Variants in MXD1 observed in about 807,000 individuals in gnomAD.
MXD1 encodes MAX dimerization protein 1.
Under a neutral mutation model 25.7 loss-of-function variants are expected in MXD1, and 9 were observed. The observed-to-expected ratio is 0.35, with a 90% CI of 0.21 to 0.61. The LOEUF (loss-of-function observed/expected upper bound fraction) is 0.61, where lower values mean the gene tolerates loss of function less well. Among genes scored for constraint, MXD1 ranks in the 20% least tolerant of loss-of-function variants. MXD1 has a pLI of 0.75. For synonymous variants in MXD1, 99 were observed against 113.9 expected, an observed-to-expected ratio of 0.87 and a Z score of 0.83; for missense variants, 227 against 292.4, an observed-to-expected ratio of 0.78 and a Z score of 1.63.
At chr2:69,916,265 G>A in intron 2 of MXD1, 45 bp downstream of exon 2, 1 of 1,177,674 alleles carries the variant, frequency 8.5e-7, no homozygotes, top group Non-Finnish European at 1.3e-6. Flanking sequence ...TTATATTGTA[G>A]GTGACACAAA....
intron 5 of MXD1, among the ~76,000 whole-genome samples, chr2:69,937,595 G>A (rs1429376480): frequency 6.6e-6 from 1 of 152,150 alleles, no homozygotes; most frequent in East Asian, 1.9e-4. Context: ...GAGTTTGATT[G>A]GTGTCAGTTT....
chr2:69,931,369 A>G (rs777943016), intron 3 of MXD1, among the ~76,000 whole-genome samples: 5 of 151,638 alleles, frequency 3.3e-5, no homozygotes, highest in Middle Eastern at 3.4e-3. Flanking sequence ...CCTACTCTCT[A>G]TGTCTGTGAG....
At chr2:69,933,200 C>CAAAAAA (rs59201689) in intron 3 of MXD1, among the ~76,000 whole-genome samples, 12 of 80,148 alleles carry the variant, frequency 1.5e-4, no homozygotes, top group East Asian at 1.1e-3. Context: ...AACTCTGTCT[C>CAAAAAA]AAAAAAAAAA....
chr2:69,932,270 G>C (rs971151956), intron 3 of MXD1, among the ~76,000 whole-genome samples: 1 of 152,126 alleles, frequency 6.6e-6, no homozygotes, highest in Non-Finnish European at 1.5e-5. Flanking sequence ...GAGAGCTTTG[G>C]TAGGAGCTGT....
At chr2:69,923,839 C>G (rs550943202) in intron 3 of MXD1, among the ~76,000 whole-genome samples, 220 of 152,288 alleles carry the variant, frequency 1.4e-3, no homozygotes, top group African/African-American at 5.1e-3. Context: ...CTTCTTCCTG[C>G]CTTTGCAGTG....
At chr2:69,929,093 A>G (rs1010354982) in intron 3 of MXD1, among the ~76,000 whole-genome samples, 3 of 152,140 alleles carry the variant, frequency 2.0e-5, no homozygotes, top group African/African-American at 7.2e-5. Flanking sequence ...GGGTTTCGCC[A>G]TGTTGCCTAG....
chr2:69,919,662 G>A (rs537691123), intron 2 of MXD1, among the ~76,000 whole-genome samples: 1 of 152,050 alleles, frequency 6.6e-6, no homozygotes, highest in East Asian at 1.9e-4. Flanking sequence ...AAATCTGTCA[G>A]GCTTTGAACT....
At position 69,937,357 on chromosome 2, in the gene MXD1, C is replaced by T; in HGVS notation, c.441C>T (p.Gly147=). 6.2e-7 allele frequency: 1 copy of T among 1,613,520 alleles called. No homozygotes were observed. The highest frequency in any genetic ancestry group is 8.5e-7 in the Non-Finnish European group (1 of 1,179,734). Residue 147 remains glycine (G), a synonymous_variant, in exon 5 of 6, where the codon GGC becomes GGT. Coordinates refer to ENST00000264444, the MANE Select transcript of MXD1 (RefSeq NM_002357.4). Reference sequence around the variant, plus strand: ...AGAGGATCCGGATGGACAGCATCGGCTCCACCGTCTCCTCGGAGCGCTCCG... The same window carrying T: ...AGAGGATCCGGATGGACAGCATCGGTTCCACCGTCTCCTCGGAGCGCTCCG... ...GIERIRMDSI[G]STVSSERSDS...
rs545385698 is a variant in MXD1, at chr2:69,941,177, T to C, written c.*2893T>C. 6.6e-6 allele frequency: 1 copy of C among 152,356 alleles called. No homozygotes were observed. The highest frequency in any genetic ancestry group is 1.9e-4 in the East Asian group (1 of 5,194). 9.4% of individuals were successfully genotyped at this position (152,356 alleles called of 1,614,324 possible). A position where few individuals can be genotyped will look rare whatever the true frequency, so the allele number is the denominator to read the frequency against. On this transcript the variant is annotated 3_prime_UTR_variant, in exon 6 of 6. Coordinates refer to ENST00000264444, the MANE Select transcript of MXD1 (RefSeq NM_002357.4). ...TAAAAAAATCTAAACTGCACTCTTA[T>C]TGATACCATCATAACGCAAGTGGGA... is the stretch of plus-strand genomic sequence containing the variant.
intron 2 of MXD1, among the ~76,000 whole-genome samples, chr2:69,920,601 G>A (rs1213719549): frequency 2.0e-5 from 3 of 152,086 alleles, no homozygotes; most frequent in African/African-American, 7.2e-5. Flanking sequence ...TCTTGAGGTG[G>A]TATTCCTCCA....
At chr2:69,938,042 T>G in intron 5 of MXD1, 55 bp from the exon 6 acceptor site, 4 of 1,560,934 alleles carry the variant, frequency 2.6e-6, no homozygotes, top group Non-Finnish European at 2.6e-6. Flanking sequence ...CCACCACGCC[T>G]GAGCTTTCTG....
At chr2:69,927,827 A>G (rs1460543744) in intron 3 of MXD1, among the ~76,000 whole-genome samples, 1 of 152,240 alleles carries the variant, frequency 6.6e-6, no homozygotes, top group Non-Finnish European at 1.5e-5. Flanking sequence ...ATTTTCTACA[A>G]AGATTTATCA....
intron 3 of MXD1, among the ~76,000 whole-genome samples, chr2:69,930,282 T>G (rs981458477): frequency 1.4e-4 from 22 of 152,228 alleles, no homozygotes; most frequent in Admixed American, 1.3e-4. Context: ...TATGTGAAGA[T>G]CTCTGTGCTT....
chr2:69,940,497 T>A lies in MXD1; in HGVS notation c.*2213T>A, dbSNP rs1006493878. 1 of 152,640 alleles carries A rather than the reference T, an allele frequency of 6.6e-6. No homozygotes were observed. The highest frequency in any genetic ancestry group is 1.5e-5 in the Non-Finnish European group (1 of 68,038). The allele number at this position is 152,640 out of a possible 1,614,324, so 9.5% of individuals were successfully genotyped here. Reference sequence around the variant, plus strand: ...GGGAAGGGAACAAAATTTGTGTACTTCTTTGTTTAATTTAGAAATAAGGCA... The same window carrying A: ...GGGAAGGGAACAAAATTTGTGTACTACTTTGTTTAATTTAGAAATAAGGCA... On this transcript the variant is annotated 3_prime_UTR_variant, in exon 6 of 6. Transcript: ENST00000264444.
chr2:69,919,049 T>A (rs1053828349), intron 2 of MXD1, among the ~76,000 whole-genome samples: 1 of 152,224 alleles, frequency 6.6e-6, no homozygotes, highest in Non-Finnish European at 1.5e-5. Flanking sequence ...AAATAAAATC[T>A]GTAGTTTTAA....
At chr2:69,934,534 A>G (rs537880572) in intron 3 of MXD1, among the ~76,000 whole-genome samples, 1 of 152,234 alleles carries the variant, frequency 6.6e-6, no homozygotes, top group African/African-American at 2.4e-5. Context: ...TGACTCAGTA[A>G]AAACCCCCAT....
At chr2:69,921,047 G>C (rs1455912888) in intron 2 of MXD1, among the ~76,000 whole-genome samples, 1 of 152,074 alleles carries the variant, frequency 6.6e-6, no homozygotes, top group African/African-American at 2.4e-5. Flanking sequence ...TTTATAGACA[G>C]GTTAACCAGT....
Position 69,915,211 on chromosome 2 carries a change from C to T in MXD1, c.-120C>T, listed in dbSNP as rs1676935576. On this transcript the variant is annotated 5_prime_UTR_variant, in exon 1 of 6. Transcript: ENST00000264444. This position sits in a 1 kb window ranked among gnomAD's most constrained non-coding sequence, Gnocchi z 5.8. ...CCAGAGAGGCTCCCTCAGCCCTGCT[C>T]CGCGGGGTCCACAGCGGGCTCCACA... 8 of 910,502 alleles carry T rather than the reference C, an allele frequency of 8.8e-6. No individual in the cohort carries two copies. Among genetic ancestry groups the T allele is most frequent in the Non-Finnish European group, 1.2e-5 (8 of 677,306 alleles). 56.4% of individuals were successfully genotyped at this position (910,502 alleles called of 1,614,324 possible).
intron 5 of MXD1, 78 bp downstream of exon 5, chr2:69,937,472 A>AGGC: frequency 7.2e-7 from 1 of 1,380,502 alleles, no homozygotes; most frequent in African/African-American, 1.5e-5. Context: ...TGCGGACAGG[A>AGGC]GGCAGAGTGT....
Sources: allele counts gnomAD v4.1 joint callset (sites outside exome capture counted in the v4.1 genomes callset), GRCh38; gene constraint gnomAD v4.1.1; non-coding constraint Gnocchi (gnomAD v3.1); transcripts MANE v1.5; gene names NCBI Gene and HGNC (gene_info 2026-07-23, HGNC 2026-07-21).